The following PIK3R3 variants were observed in gnomAD, a reference collection of about 807,000 sequenced individuals.
PIK3R3 encodes phosphatidylinositol 3-kinase regulatory subunit gamma.
In PIK3R3, 64 loss-of-function variants were observed where a neutral mutation model predicts 62.9. The observed-to-expected ratio is 1.02, with a 90% CI of 0.83 to 1.25. PIK3R3 has a LOEUF of 1.25. Among genes scored for constraint, PIK3R3 ranks in the 50% most tolerant of loss-of-function variants. The probability of loss-of-function intolerance (pLI) is 0.00; values close to 1 mark genes in which losing one functional copy is unlikely to be tolerated. For synonymous variants in PIK3R3, 165 were observed against 189.0 expected (o/e 0.87, Z 1.04); for missense variants, 614 against 561.6 (o/e 1.09, Z -0.94).
Position 46,132,406 on chromosome 1 carries a change from G to C in PIK3R3, c.-454C>G. 8.7e-7 allele frequency: 1 copy of C among 1,142,914 alleles called. No homozygotes were observed. The highest frequency in any genetic ancestry group is 1.7e-5 in the South Asian group (1 of 57,374). 70.8% of individuals were successfully genotyped at this position (1,142,914 alleles called of 1,614,324 possible). ...AAGTGACAAAGGAAGGCAAAAAAGG[G>C]GGCTGGAGATTGCGTTCAAGTTTCG... On this transcript the variant is annotated 5_prime_UTR_variant, in exon 1 of 10. Coordinates refer to ENST00000262741, the MANE Select transcript of PIK3R3 (RefSeq NM_003629.4).
At chr1:46,154,785 A>G in the PIK3R3 span, among the ~76,000 whole-genome samples, 1 of 152,080 alleles carries the variant, frequency 6.6e-6, no homozygotes, top group Non-Finnish European at 1.5e-5. Flanking sequence ...CTTTATAGGT[A>G]CCTGCTCTCC....
intron 1 of PIK3R3, among the ~76,000 whole-genome samples, chr1:46,085,986 C>T (rs1052592865): frequency 6.6e-6 from 1 of 152,130 alleles, no homozygotes; most frequent in Non-Finnish European, 1.5e-5. Context: ...GTAATCCTTC[C>T]GCCTTGGCCT....
At chr1:46,108,835 T>C (rs990911155) in intron 1 of PIK3R3, among the ~76,000 whole-genome samples, 1 of 152,090 alleles carries the variant, frequency 6.6e-6, no homozygotes, top group Non-Finnish European at 1.5e-5. Flanking sequence ...CACCAAAACA[T>C]AACACATGCT....
At chr1:46,056,590 T>A (rs879703086) in intron 6 of PIK3R3, 1 of 152,224 alleles carries the variant, frequency 6.6e-6, no homozygotes, top group East Asian at 1.9e-4. Flanking sequence ...ACTGACCCAA[T>A]GAGAGTCAAT....
upstream of PIK3R3, among the ~76,000 whole-genome samples, chr1:46,133,720 C>T (rs933847566): frequency 3.3e-5 from 5 of 152,148 alleles, no homozygotes; most frequent in African/African-American, 9.6e-5. Flanking sequence ...GTGCTTCCCA[C>T]CCAAAGACTT....
intron 1 of PIK3R3, among the ~76,000 whole-genome samples, chr1:46,117,677 G>A (rs964416990): frequency 6.6e-6 from 1 of 152,160 alleles, no homozygotes; most frequent in African/African-American, 2.4e-5. Context: ...AGCCTAGGAG[G>A]TTAAGGCTGT....
intron 3 of PIK3R3, among the ~76,000 whole-genome samples, chr1:46,070,201 C>T (rs1649361074): frequency 6.6e-6 from 1 of 152,046 alleles, no homozygotes; most frequent in Non-Finnish European, 1.5e-5. Flanking sequence ...AATTGTTGAT[C>T]CAACAAAGAG....
the PIK3R3 span, among the ~76,000 whole-genome samples, chr1:46,165,215 T>C: frequency 6.6e-6 from 1 of 152,128 alleles, no homozygotes; most frequent in Non-Finnish European, 1.5e-5. Context: ...CTATGTGTTC[T>C]TATTGCTGCC....
intron 1 of PIK3R3, among the ~76,000 whole-genome samples, chr1:46,121,040 C>T (rs181852164): frequency 6.6e-6 from 1 of 152,248 alleles, no homozygotes; most frequent in Non-Finnish European, 1.5e-5. Flanking sequence ...GAGGATGAAG[C>T]CAGTCCCAAG....
chr1:46,125,107 ATT>A (rs1654984795), intron 1 of PIK3R3, among the ~76,000 whole-genome samples: 1 of 152,164 alleles, frequency 6.6e-6, no homozygotes, highest in Non-Finnish European at 1.5e-5. Context: ...CTCAAAAAAA[ATT>A]TTAAAAATTA....
At chr1:46,096,680 C>T (rs542135337) in intron 1 of PIK3R3, among the ~76,000 whole-genome samples, 4 of 151,954 alleles carry the variant, frequency 2.6e-5, no homozygotes, top group East Asian at 3.9e-4. Flanking sequence ...GCCGATCACC[C>T]GAGGTCAACA....
Position 46,041,041 on chromosome 1 carries a change from C to G in PIK3R3, c.*2632G>C, listed in dbSNP as rs1646986654. Reference sequence around the variant, plus strand: ...CTAGCCAGGGGTATAATGAACCCCTCTGATCTTGGTCTCTCTTTGCCCTCT... The same window carrying G: ...CTAGCCAGGGGTATAATGAACCCCTGTGATCTTGGTCTCTCTTTGCCCTCT... On this transcript the variant is annotated 3_prime_UTR_variant, in exon 10 of 10. Coordinates refer to ENST00000262741, the MANE Select transcript of PIK3R3 (RefSeq NM_003629.4). The G allele has an allele frequency of 6.2e-6, 1 of 161,848 alleles. No homozygotes were observed. Among genetic ancestry groups the G allele is most frequent in the African/African-American group, 2.4e-5 (1 of 41,734 alleles). 10.0% of individuals were successfully genotyped at this position (161,848 alleles called of 1,614,324 possible).
intron 1 of PIK3R3, among the ~76,000 whole-genome samples, chr1:46,130,506 T>C (rs1049312616): frequency 2.0e-5 from 3 of 151,092 alleles, no homozygotes; most frequent in African/African-American, 7.3e-5. Flanking sequence ...TCATCAAGAG[T>C]GAAAAAGGTT....
intron 1 of PIK3R3, among the ~76,000 whole-genome samples, chr1:46,112,427 A>G (rs1317741318): frequency 6.6e-6 from 1 of 152,186 alleles, no homozygotes; most frequent in African/African-American, 2.4e-5. Flanking sequence ...ATATACCTTT[A>G]TATGTTGATA....
chr1:46,046,712 G>T, intron 7 of PIK3R3, 87 bp from the exon 8 acceptor site: 1 of 852,350 alleles, frequency 1.2e-6, no homozygotes, highest in South Asian at 1.5e-5. Flanking sequence ...AACTTCTAGA[G>T]TCTAGACACC....
chr1:46,137,540 G>A (rs917406723), upstream of PIK3R3, among the ~76,000 whole-genome samples: 11 of 152,248 alleles, frequency 7.2e-5, no homozygotes, highest in African/African-American at 2.2e-4. Context: ...AAAAAGTTTC[G>A]TCGAAAGCTG....
chr1:46,131,850 G>C lies in PIK3R3; in HGVS notation c.103C>G (p.Pro35Ala). ...TTTTTTTTTTTCTCCCAAGTACCTG[G>C]AGGATCCATTTCAATATAAAATATC... is the stretch of plus-strand genomic sequence containing the variant. Reference protein sequence around the residue: ...ELIFYIEMDPPALPPKPPKPM... With the variant: ...ELIFYIEMDPAALPPKPPKPM... Residue 35 changes from proline to alanine, a missense_variant, in exon 1 of 10, where the codon CCA becomes GCA. Physicochemically the swap from Pro to Ala is conservative, Grantham distance 27. Transcript: ENST00000262741. 1 of 1,612,334 alleles carries C rather than the reference G, an allele frequency of 6.2e-7. No homozygotes were observed. The highest frequency in any genetic ancestry group is 8.5e-7 in the Non-Finnish European group (1 of 1,178,752).
chr1:46,051,799 CTATA>C (rs1647374893), intron 7 of PIK3R3, among the ~76,000 whole-genome samples: 2 of 152,084 alleles, frequency 1.3e-5, no homozygotes. Context: ...GTACTAAACC[CTATA>C]TATACTGTTT....
In PIK3R3 at chr1:46,132,511, C is replaced by G. The variant is rs1159156065; in HGVS notation, c.-559G>C. On this transcript the variant is annotated 5_prime_UTR_variant, in exon 1 of 10. Coordinates refer to ENST00000262741, the MANE Select transcript of PIK3R3 (RefSeq NM_003629.4). ...TCTCCGGTCGGTCTCGGAACCGAAG[C>G]TGCCGCAGCCTCGGGAATGGGGCCG... 1.9e-5 allele frequency: 23 copies of G among 1,229,504 alleles called. No individual in the cohort carries two copies. The highest frequency in any genetic ancestry group is 5.5e-5 in the Admixed American group (2 of 36,098). 76.2% of individuals were successfully genotyped at this position (1,229,504 alleles called of 1,614,324 possible).
Sources: gnomAD v4.1 joint callset for allele counts (sites outside exome capture counted in the v4.1 genomes callset) on GRCh38, gnomAD v4.1.1 for gene constraint, MANE v1.5 for transcripts, NCBI Gene and HGNC (gene_info 2026-07-23, HGNC 2026-07-21) for gene names.